Variants in LRRC9 observed in about 807,000 individuals in gnomAD.
LRRC9 encodes leucine rich repeat containing 9.
A neutral mutation model predicts 63.2 loss-of-function variants in LRRC9; 122 were observed. The observed-to-expected ratio is 1.93, with a 90% confidence interval of 1.67 to 2.24. The LOEUF (loss-of-function observed/expected upper bound fraction) is 2.24. Ranked by LOEUF, LRRC9 falls within the 30% of genes most tolerant of loss-of-function variation. LRRC9 has a pLI of 0.00. For synonymous variants in LRRC9, 366 were observed against 213.1 expected (o/e 1.72, Z -6.25); for missense variants, 1,071 against 627.7 (o/e 1.71, Z -7.55).
rs1002630463 is a variant in LRRC9 at position 59,970,402 on chromosome 14, G to T, written c.1506+3189G>T. The stretch of plus-strand genomic sequence containing the variant: ...GTTTGCAATGAACCTATGTATGCAC[G>T]TGTCTTTATGATAGAACGATTTATA... On this transcript the variant is annotated intron_variant, in intron 12 of 31. Transcript: ENST00000445360. Among the ~76,000 whole-genome samples the T allele has an allele frequency of 9.9e-5, 15 of 152,230 alleles. 1 individual carries two copies. Among genetic ancestry groups the T allele is most frequent in the Admixed American group, 6.5e-4 (10 of 15,286 alleles).
At chr14:60,001,794 T>C (rs934511479) in intron 19 of LRRC9, among the ~76,000 whole-genome samples, 172 bp from the exon 20 acceptor site, 6 of 152,162 alleles carry the variant, frequency 3.9e-5, no homozygotes, top group Middle Eastern at 3.2e-3. Flanking sequence ...CAAGAAACAA[T>C]GTAATTAAAA....
At chr14:59,947,346 A>G (rs948540819) in intron 8 of LRRC9, among the ~76,000 whole-genome samples, 2 of 107,370 alleles carry the variant, frequency 1.9e-5, no homozygotes, top group African/African-American at 7.9e-5. Flanking sequence ...CCACTTTTTG[A>G]TGGGGTTGTT....
At chr14:59,997,789 T>C (rs951617023) in exon 18 of LRRC9, 1 of 702,246 alleles carries the variant, frequency 1.4e-6, no homozygotes, top group East Asian at 2.7e-5. Context: ...ATAAATATGT[T>C]ATGCAAACAC....
At chr14:60,048,609 A>G (rs1893633350) in intron 29 of LRRC9, among the ~76,000 whole-genome samples, 1 of 152,178 alleles carries the variant, frequency 6.6e-6, no homozygotes, top group Admixed American at 6.6e-5. Flanking sequence ...GAATCCCTGA[A>G]TAGGCCAATA....
At chr14:60,024,316 T>C (rs1891347355) in intron 27 of LRRC9, among the ~76,000 whole-genome samples, 2 of 152,226 alleles carry the variant, frequency 1.3e-5, no homozygotes, top group African/African-American at 2.4e-5. Flanking sequence ...GTTGAAAATA[T>C]AGAGCCAGGA....
chr14:60,049,945 T>C (rs921006846), intron 29 of LRRC9, among the ~76,000 whole-genome samples: 4 of 152,172 alleles, frequency 2.6e-5, no homozygotes, highest in African/African-American at 9.7e-5. Context: ...TGGGAGGTTT[T>C]GTTCATGCCT....
At chr14:59,994,040 C>T (rs1480925775) in intron 17 of LRRC9, among the ~76,000 whole-genome samples, 33 of 152,228 alleles carry the variant, frequency 2.2e-4, no homozygotes, top group Middle Eastern at 6.8e-3. Flanking sequence ...GCACTTATTC[C>T]ACAATTGACC....
chr14:59,973,734 G>A (rs969329670), intron 12 of LRRC9, among the ~76,000 whole-genome samples: 1 of 151,946 alleles, frequency 6.6e-6, no homozygotes, highest in South Asian at 2.1e-4. Context: ...TCAGATGTGG[G>A]AACTGTGGAT....
intron 21 of LRRC9, 143 bp from the exon 22 acceptor site, chr14:60,006,254 A>G (rs1441979430): frequency 9.5e-6 from 5 of 527,642 alleles, no homozygotes; most frequent in Non-Finnish European, 1.7e-5. Context: ...CAAAGGCTTA[A>G]AGCAATGATG....
chr14:60,001,995 A>C, exon 20 of LRRC9: 1 of 698,084 alleles, frequency 1.4e-6, no homozygotes, highest in Non-Finnish European at 2.6e-6. Context: ...CTAGTACTAA[A>C]GAGGAGAGAC....
chr14:59,959,502 A>G (rs1189657937), intron 8 of LRRC9, among the ~76,000 whole-genome samples: 2 of 152,196 alleles, frequency 1.3e-5, no homozygotes, highest in African/African-American at 4.8e-5. Flanking sequence ...TTTGGCTTTA[A>G]TAGAGGCGAA....
chr14:59,979,590 C>T (rs1031639650), intron 15 of LRRC9, among the ~76,000 whole-genome samples: 2 of 151,678 alleles, frequency 1.3e-5, no homozygotes, highest in East Asian at 1.9e-4. Context: ...CCAGCCTGGG[C>T]GACAGAGCGA....
At chr14:59,931,671 T>C in exon 5 of LRRC9, 1 of 699,032 alleles carries the variant, frequency 1.4e-6, no homozygotes, top group Non-Finnish European at 2.6e-6. Context: ...GGAAATCTAA[T>C]AAATAGCATT....
chr14:60,025,626 A>G (rs571859567), intron 27 of LRRC9, among the ~76,000 whole-genome samples: 1 of 151,768 alleles, frequency 6.6e-6, no homozygotes, highest in South Asian at 2.1e-4. Flanking sequence ...ATAGATTGTC[A>G]TATTTAATCT....
chr14:60,056,363 T>C (rs971550104), intron 30 of LRRC9, among the ~76,000 whole-genome samples: 4 of 152,200 alleles, frequency 2.6e-5, no homozygotes, highest in Non-Finnish European at 4.4e-5. Context: ...ACTTAGAACT[T>C]TGAAGATCCC....
intron 29 of LRRC9, among the ~76,000 whole-genome samples, chr14:60,052,625 C>A (rs573403709): frequency 1.4e-3 from 219 of 152,308 alleles, no homozygotes; most frequent in African/African-American, 4.7e-3. Flanking sequence ...AGTTAACAAC[C>A]TCAAACCAAC....
At position 59,944,024 on chromosome 14, in the gene LRRC9, T is replaced by A. The variant is rs1226411018; in HGVS notation, c.727-565T>A. Among the ~76,000 whole-genome samples, 4 of 152,020 alleles carry A rather than the reference T, an allele frequency of 2.6e-5. 1 individual carries two copies. In the South Asian group the frequency reaches 8.3e-4, roughly 31 times the overall value. ...AATTATGGAATTAATCAATTTATCATGATAAATTTATTAATAACTGAATGA... is the reference window on the plus strand; with the variant it reads ...AATTATGGAATTAATCAATTTATCAAGATAAATTTATTAATAACTGAATGA... On this transcript the variant is annotated intron_variant, in intron 7 of 31. Coordinates refer to ENST00000445360, the Ensembl canonical transcript of LRRC9.
At chr14:59,974,629 G>A (rs1377112389) in exon 13 of LRRC9, 3 of 691,796 alleles carry the variant, frequency 4.3e-6, no homozygotes, top group Admixed American at 2.1e-5. Flanking sequence ...GTATAAGTGA[G>A]TGTCCCAGAA....
chr14:59,959,644 CAT>C (rs1414828425), intron 8 of LRRC9, among the ~76,000 whole-genome samples, 172 bp from the exon 9 acceptor site: 2 of 152,176 alleles, frequency 1.3e-5, no homozygotes, highest in Non-Finnish European at 2.9e-5. Context: ...CTTGAAATCA[CAT>C]GTTTGGCATG....
Sources: allele counts gnomAD v4.1 joint callset (sites outside exome capture counted in the v4.1 genomes callset), GRCh38; gene constraint gnomAD v4.1.1; transcripts MANE v1.5; gene names NCBI Gene and HGNC (gene_info 2026-07-23, HGNC 2026-07-21).